Variants in IRAG1 observed in about 807,000 individuals in gnomAD.
IRAG1 encodes the protein inositol 1,4,5-triphosphate receptor associated 1.
In IRAG1, 62 loss-of-function variants were observed where a neutral mutation model predicts 106.2. The observed-to-expected ratio is 0.58, with a 90% confidence interval of 0.48 to 0.72. The LOEUF is 0.72. Ranked by LOEUF, IRAG1 falls within the 30% of genes least tolerant of loss-of-function variation. IRAG1 has a pLI of 0.00. For missense variants in IRAG1, 1,064 were observed against 1,140.7 expected (o/e 0.93, Z 0.97); for synonymous variants, 462 against 443.9 (o/e 1.04, Z -0.51).
At position 10,603,132 on chromosome 11, in the gene IRAG1, G is replaced by C. The variant is rs769858515; in HGVS notation, c.1863C>G (p.Gly621=). Residue 621 remains glycine, a synonymous_variant, in exon 14 of 21, where the codon GGC becomes GGG. Transcript: ENST00000423302. ...ARLSSRAEVV[G]AVRQEKRMSK... is the part of the protein sequence containing the mutation. Reference sequence around the variant, plus strand: ...TGGAGAGACTCACCTGGCGGACGGCGCCTACCACCTCAGCTCGGCTGGAGA... The same window carrying C: ...TGGAGAGACTCACCTGGCGGACGGCCCCTACCACCTCAGCTCGGCTGGAGA... 1 of 1,610,368 alleles carries C rather than the reference G, an allele frequency of 6.2e-7. No homozygotes were observed. Among genetic ancestry groups the C allele is most frequent in the Admixed American group, 1.7e-5 (1 of 59,618 alleles).
chr11:10,681,246 G>A (rs570853987), intron 1 of IRAG1, among the ~76,000 whole-genome samples: 56 of 152,310 alleles, frequency 3.7e-4, no homozygotes, highest in Admixed American at 3.3e-3. Flanking sequence ...TGTAGTGTGA[G>A]GGCAGAGTGG....
intron 1 of IRAG1, among the ~76,000 whole-genome samples, chr11:10,677,299 A>C (rs1860760657): frequency 2.0e-5 from 3 of 152,204 alleles, no homozygotes; most frequent in Admixed American, 2.0e-4. Context: ...AGACTGAGTC[A>C]ATGTCTCCTT....
intron 1 of IRAG1, among the ~76,000 whole-genome samples, chr11:10,654,925 G>A (rs1858802954): frequency 6.6e-6 from 1 of 152,156 alleles, no homozygotes. Context: ...TGTCTTCCAT[G>A]CCAAATTCTT....
intron 10 of IRAG1, among the ~76,000 whole-genome samples, chr11:10,616,072 G>A (rs1326461340): frequency 6.6e-6 from 1 of 151,306 alleles, no homozygotes; most frequent in Non-Finnish European, 1.5e-5. Context: ...TTGGGAGGCC[G>A]AGGCGGGCGG....
chr11:10,605,763 C>T (rs764137794), intron 12 of IRAG1, among the ~76,000 whole-genome samples: 8 of 152,246 alleles, frequency 5.3e-5, no homozygotes, highest in Non-Finnish European at 8.8e-5. Flanking sequence ...GCTTAGAGCT[C>T]ATAGCCCAGT....
At position 10,631,965 on chromosome 11, in the gene IRAG1, A is replaced by T. The variant is rs759978221; in HGVS notation, c.400+26T>A. ...TGCCAGACCTGTCTTTCTACTCAAC[A>T]TGCCTTAGATTGCCCTGGTCCTTAC... On this transcript the variant is annotated intron_variant, in intron 4 of 20. Transcript: ENST00000423302. 2.5e-6 allele frequency: 4 copies of T among 1,605,824 alleles called. No individual in the cohort carries two copies. The Admixed American group carries it at 5.0e-5, about 20-fold the overall frequency.
chr11:10,601,432 G>A lies in IRAG1; in HGVS notation c.1876-373C>T, dbSNP rs182874681. ...GCGTTCAGGCCAGGGAACTCCAAGA[G>A]GAGTCTAGAGGCAGGGAAGCACAGG... On this transcript the variant is annotated intron_variant, in intron 14 of 20. Coordinates refer to ENST00000423302, the MANE Select transcript of IRAG1 (RefSeq NM_130385.4). Among the ~76,000 whole-genome samples, 10 of 152,318 alleles carry A rather than the reference G, an allele frequency of 6.6e-5. No individual in the cohort carries two copies. In the East Asian group the frequency reaches 1.9e-3, roughly 29 times the overall value.
intron 2 of IRAG1, among the ~76,000 whole-genome samples, chr11:10,648,363 C>T (rs540721764): frequency 1.1e-4 from 17 of 152,160 alleles, no homozygotes; most frequent in Non-Finnish European, 2.2e-4. Context: ...GACTCTGTCT[C>T]AAAAATACAA....
At chr11:10,588,883 C>T (rs1419901796) in intron 18 of IRAG1, 2 of 152,184 alleles carry the variant, frequency 1.3e-5, no homozygotes, top group African/African-American at 2.4e-5. Context: ...TGATTAATTG[C>T]TGAAGGAATG....
intron 11 of IRAG1, among the ~76,000 whole-genome samples, chr11:10,608,805 CTG>C (rs1854693332): frequency 6.6e-6 from 1 of 152,148 alleles, no homozygotes; most frequent in African/African-American, 2.4e-5. Context: ...TTTCTTGACA[CTG>C]TTTGCAGCAC....
chr11:10,600,882 G>GT (rs754932140), intron 15 of IRAG1, 36 bp downstream of exon 15: 264 of 1,612,476 alleles, frequency 1.6e-4, no homozygotes, highest in Non-Finnish European at 2.1e-4. Flanking sequence ...AGTCCACCTT[G>GT]TAGGGCCAAG....
At chr11:10,679,485 A>T (rs1054309945) in intron 1 of IRAG1, among the ~76,000 whole-genome samples, 1 of 152,198 alleles carries the variant, frequency 6.6e-6, no homozygotes, top group Admixed American at 6.5e-5. Flanking sequence ...CTGAAGTTCA[A>T]TGTGATGCTG....
Position 10,627,889 on chromosome 11 carries a change from G to A in IRAG1, c.705+84C>T, listed in dbSNP as rs987211700. ...CACCCAGCACCCTCATCTCCAGTGG[G>A]TCACGAAGGGCCTCCTGGTGTTCGG... On this transcript the variant is annotated intron_variant, in intron 7 of 20. Transcript: ENST00000423302. 24 of 1,573,086 alleles carry A rather than the reference G, an allele frequency of 1.5e-5. No individual in the cohort carries two copies. In the South Asian group the frequency reaches 2.8e-4, roughly 18 times the overall value.
intron 4 of IRAG1, among the ~76,000 whole-genome samples, chr11:10,630,943 C>T (rs960884718): frequency 2.0e-5 from 3 of 152,114 alleles, no homozygotes; most frequent in African/African-American, 4.8e-5. Context: ...GGGATTGGCT[C>T]GGGGATGGCC....
chr11:10,601,030 C>T lies in IRAG1; in HGVS notation c.1905G>A (p.Val635=), dbSNP rs1222451810. The T allele has an allele frequency of 6.2e-7, 1 of 1,613,952 alleles. No individual in the cohort carries two copies. The highest frequency in any genetic ancestry group is 1.7e-5 in the Admixed American group (1 of 60,014). The change falls in exon 15 of 21, where the codon GTG becomes GTA. Residue 635 remains valine, a synonymous_variant. Transcript: ENST00000423302. ...TTAGATTCTCCACATACTGCATCATCACTTCCGTTGCTTTCGACATGCGCT... is the reference window on the plus strand; with the variant it reads ...TTAGATTCTCCACATACTGCATCATTACTTCCGTTGCTTTCGACATGCGCT... ...QEKRMSKATE[V]MMQYVENLKR...
chr11:10,614,049 T>C (rs1292643008), intron 10 of IRAG1, among the ~76,000 whole-genome samples: 3 of 152,094 alleles, frequency 2.0e-5, no homozygotes, highest in Admixed American at 2.0e-4. Flanking sequence ...GCCTAGGTCC[T>C]GCCAAAATTA....
intron 1 of IRAG1, among the ~76,000 whole-genome samples, chr11:10,652,840 T>C (rs534613702): frequency 6.6e-6 from 1 of 152,246 alleles, no homozygotes; most frequent in South Asian, 2.1e-4. Context: ...GCACAGGCTC[T>C]CTCATTTGAG....
chr11:10,581,972 C>T lies in IRAG1; in HGVS notation c.2255G>A (p.Gly752Glu). 7 of 1,613,396 alleles carry T rather than the reference C, an allele frequency of 4.3e-6. No individual in the cohort carries two copies. Among genetic ancestry groups the T allele is most frequent in the Non-Finnish European group, 5.9e-6 (7 of 1,179,562 alleles). The change falls in exon 19 of 21, where the codon GGG becomes GAG. Residue 752 changes from glycine (G) to glutamate (E), a missense_variant. Gly to Glu is a moderately conservative substitution (Grantham distance 98, BLOSUM62 -2). Transcript: ENST00000423302. ...PALLENGKTN[G>E]DPDCEASAPA... The stretch of plus-strand genomic sequence containing the variant: ...AGCAGAGGCTTCACAATCTGGGTCC[C>T]CATTTGTCTTTCCACTAGTGAGAAG...
chr11:10,646,438 A>G (rs61268775), intron 2 of IRAG1, among the ~76,000 whole-genome samples: 1,747 of 152,078 alleles, frequency 0.011, 37 homozygotes, highest in African/African-American at 0.04. Flanking sequence ...TAGCCAGCCA[A>G]TTATCTACCC....
Sources: allele counts gnomAD v4.1 joint callset (sites outside exome capture counted in the v4.1 genomes callset), GRCh38; gene constraint gnomAD v4.1.1; transcripts MANE v1.5; gene names NCBI Gene and HGNC (gene_info 2026-07-23, HGNC 2026-07-21).